Variants in PCLO observed in about 807,000 individuals in gnomAD.
PCLO encodes piccolo presynaptic cytomatrix protein, also known as protein piccolo.
PCLO carries 82 observed loss-of-function variants against 427.5 expected under a neutral mutation model. The observed-to-expected ratio is 0.19, with a 90% CI of 0.16 to 0.23. The LOEUF is 0.23. Among genes scored for constraint, PCLO ranks in the 10% least tolerant of loss-of-function variants. The pLI is 1.00. For synonymous variants in PCLO, 2,357 were observed against 2,155.4 expected, an observed-to-expected ratio of 1.09 and a Z score of -2.59; for missense variants, 6,239 against 6,115.9, an observed-to-expected ratio of 1.02 and a Z score of -0.67.
At chr7:83,007,195 A>G (rs1787967550) in intron 3 of PCLO, among the ~76,000 whole-genome samples, 1 of 151,568 alleles carries the variant, frequency 6.6e-6, no homozygotes, top group African/African-American at 2.4e-5. Flanking sequence ...CTCCAACAGA[A>G]AAACAGTCAA....
At chr7:83,068,307 A>G (rs1789719920) in intron 3 of PCLO, among the ~76,000 whole-genome samples, 1 of 152,172 alleles carries the variant, frequency 6.6e-6, no homozygotes, top group Admixed American at 6.5e-5. Flanking sequence ...CTTATTTTTA[A>G]TAAAATGTTT....
At chr7:82,759,114 T>C (rs944738152) in intron 24 of PCLO, among the ~76,000 whole-genome samples, 4 of 151,948 alleles carry the variant, frequency 2.6e-5, no homozygotes, top group African/African-American at 9.7e-5. Flanking sequence ...GTATTCTGAA[T>C]AAATAAATAT....
At chr7:82,772,623 C>T (rs1244553960) in intron 22 of PCLO, among the ~76,000 whole-genome samples, 1 of 152,120 alleles carries the variant, frequency 6.6e-6, no homozygotes, top group Non-Finnish European at 1.5e-5. Context: ...GTAGGACAAG[C>T]CTGCACATTC....
chr7:82,838,195 A>T (rs764824117), intron 15 of PCLO, 23 bp downstream of exon 15: 1 of 1,555,350 alleles, frequency 6.4e-7, no homozygotes, highest in East Asian at 2.3e-5. Context: ...GCATGAGATG[A>T]AGTACTTCTT....
chr7:82,969,064 T>C (rs1233117101), intron 3 of PCLO, among the ~76,000 whole-genome samples: 1 of 152,142 alleles, frequency 6.6e-6, no homozygotes. Flanking sequence ...GACAAATTAT[T>C]CTTAAAAAAT....
chr7:83,065,564 G>T lies in PCLO; in HGVS notation c.3300+68686C>A, dbSNP rs183007774. 4.0e-3 allele frequency among the ~76,000 whole-genome samples: 598 copies of T among 148,954 alleles called. 9 individuals are homozygous for T. Among genetic ancestry groups the T allele is most frequent in the African/African-American group, 0.014 (579 of 40,548 alleles). On this transcript the variant is annotated intron_variant, in intron 3 of 24. Coordinates refer to ENST00000333891, the MANE Select transcript of PCLO (RefSeq NM_033026.6). ...CTATCTGTTGAAGATTCCAAAAAGAGAACTGAACTTCTCTCCTGTCTCATA... is the reference window on the plus strand; with the variant it reads ...CTATCTGTTGAAGATTCCAAAAAGATAACTGAACTTCTCTCCTGTCTCATA...
intron 3 of PCLO, among the ~76,000 whole-genome samples, chr7:83,085,421 T>C (rs1025600464): frequency 3.9e-5 from 6 of 152,170 alleles, no homozygotes; most frequent in Admixed American, 6.5e-5. Context: ...TTAAGTGACA[T>C]TGGGCCACAC....
chr7:83,010,995 T>C (rs1265046792), intron 3 of PCLO, among the ~76,000 whole-genome samples: 1 of 152,094 alleles, frequency 6.6e-6, no homozygotes, highest in African/African-American at 2.4e-5. Flanking sequence ...TAATTTCCAC[T>C]GCCGAACTAT....
intron 3 of PCLO, among the ~76,000 whole-genome samples, chr7:82,997,858 A>G (rs1787666319): frequency 6.6e-6 from 1 of 152,080 alleles, no homozygotes; most frequent in African/African-American, 2.4e-5. Flanking sequence ...AAAGAAATTT[A>G]TACTGAAAAG....
At chr7:82,790,443 G>A (rs1791078171) in intron 22 of PCLO, among the ~76,000 whole-genome samples, 1 of 152,110 alleles carries the variant, frequency 6.6e-6, no homozygotes, top group South Asian at 2.1e-4. Flanking sequence ...CAAAGGCTTT[G>A]ACAATGATGT....
intron 24 of PCLO, among the ~76,000 whole-genome samples, 198 bp from the exon 25 acceptor site, chr7:82,758,913 A>C (rs1790373457): frequency 6.6e-6 from 1 of 151,862 alleles, no homozygotes; most frequent in South Asian, 2.1e-4. Context: ...ATATAAATTA[A>C]TTCACATCAA....
chr7:82,999,381 T>C (rs1365922110), intron 3 of PCLO, among the ~76,000 whole-genome samples: 2 of 111,664 alleles, frequency 1.8e-5, no homozygotes, highest in South Asian at 3.1e-4. Flanking sequence ...TATTACATAT[T>C]ATTCCATTAT....
At chr7:83,058,967 T>C (rs1233562961) in intron 3 of PCLO, among the ~76,000 whole-genome samples, 2 of 151,936 alleles carry the variant, frequency 1.3e-5, no homozygotes, top group Non-Finnish European at 2.9e-5. Flanking sequence ...CCCCCCTCCT[T>C]AAAAGGAATG....
intron 2 of PCLO, among the ~76,000 whole-genome samples, chr7:83,147,628 G>C (rs1792028338): frequency 2.0e-5 from 3 of 152,036 alleles, no homozygotes; most frequent in Non-Finnish European, 4.4e-5. Context: ...ATTTCACCAA[G>C]AAGAATACCA....
At chr7:82,826,730 T>C (rs150421299) in intron 17 of PCLO, 70 bp from the exon 18 acceptor site, 3 of 872,656 alleles carry the variant, frequency 3.4e-6, no homozygotes, top group Non-Finnish European at 5.2e-6. Flanking sequence ...ACACATACAG[T>C]AGACATATTT....
At chr7:82,982,477 A>G (rs112492099) in intron 3 of PCLO, among the ~76,000 whole-genome samples, 561 of 152,200 alleles carry the variant, frequency 3.7e-3, no homozygotes, top group African/African-American at 0.013. Flanking sequence ...CGGGGTCATG[A>G]CTGAAACATC....
At chr7:82,825,974 C>G (rs1490420133) in intron 18 of PCLO, among the ~76,000 whole-genome samples, 1 of 149,098 alleles carries the variant, frequency 6.7e-6, no homozygotes, top group East Asian at 2.0e-4. Flanking sequence ...GATTAAAAAT[C>G]ACAAGATCTG....
chr7:82,821,434 T>C (rs1216669350), intron 20 of PCLO: 1 of 985,628 alleles, frequency 1.0e-6, no homozygotes, highest in Non-Finnish European at 1.2e-6. Context: ...TGACACCACA[T>C]GCACAGCACT....
At chr7:82,908,808 A>G in intron 8 of PCLO, 69 bp downstream of exon 8, 1 of 1,322,168 alleles carries the variant, frequency 7.6e-7, no homozygotes, top group Non-Finnish European at 1.1e-6. Flanking sequence ...AGGACAATTA[A>G]GACCATTCTA....
Sources: allele counts gnomAD v4.1 joint callset (sites outside exome capture counted in the v4.1 genomes callset), GRCh38; gene constraint gnomAD v4.1.1; transcripts MANE v1.5; gene names NCBI Gene and HGNC (gene_info 2026-07-23, HGNC 2026-07-21).